Variants in PLSCR2 observed in about 807,000 individuals in gnomAD.
PLSCR2 encodes phospholipid scramblase 2, also known as PL scramblase 2.
A neutral mutation model predicts 25.3 loss-of-function variants in PLSCR2; 18 were observed. The ratio of observed to expected loss-of-function variants is 0.71; its 90% confidence interval spans 0.49 to 1.06. The LOEUF (loss-of-function observed/expected upper bound fraction) is 1.06, where lower values mean the gene tolerates loss of function less well. Ranked by LOEUF, PLSCR2 falls within the 50% of genes least tolerant of loss-of-function variation. The pLI is 0.00. For synonymous variants in PLSCR2, 88 were observed against 87.3 expected (o/e 1.01, Z -0.04); for missense variants, 243 against 269.5 (o/e 0.90, Z 0.69).
At chr3:146,393,826 T>C (rs1420940898) in intron 3 of PLSCR2, among the ~76,000 whole-genome samples, 1 of 114,662 alleles carries the variant, frequency 8.7e-6, no homozygotes, top group Non-Finnish European at 2.0e-5. Flanking sequence ...AAAAAAAAAC[T>C]TCTAAATAAG....
At chr3:146,495,896 T>TG in exon 1 of PLSCR2, 1 of 1,535,234 alleles carries the variant, frequency 6.5e-7, no homozygotes, top group Non-Finnish European at 8.7e-7. Context: ...ATTGGCTACC[T>TG]GGGAGGTGAA....
chr3:146,442,740 G>T (rs1370615442), intron 6 of PLSCR2, among the ~76,000 whole-genome samples: 1 of 151,940 alleles, frequency 6.6e-6, no homozygotes, highest in Non-Finnish European at 1.5e-5. Flanking sequence ...ATGGTGTTTT[G>T]AAGACCAAAT....
At chr3:146,475,675 A>C (rs1027928097) in intron 1 of PLSCR2, among the ~76,000 whole-genome samples, 1 of 152,126 alleles carries the variant, frequency 6.6e-6, no homozygotes, top group African/African-American at 2.4e-5. Flanking sequence ...CAATAAATGG[A>C]TATAGTTTTC....
At chr3:146,411,626 G>C (rs1397044679) in intron 2 of PLSCR2, among the ~76,000 whole-genome samples, 2 of 152,190 alleles carry the variant, frequency 1.3e-5, no homozygotes, top group Non-Finnish European at 2.9e-5. Context: ...GAGTGAGTTA[G>C]AGAAAACGCC....
chr3:146,478,637 C>T (rs554987034), intron 1 of PLSCR2, among the ~76,000 whole-genome samples: 58 of 152,188 alleles, frequency 3.8e-4, no homozygotes, highest in Non-Finnish European at 6.8e-4. Flanking sequence ...CTGAAAGTGA[C>T]GAGGAGAATT....
rs535318139 is a variant in PLSCR2 at position 146,394,393 on chromosome 3, G to A, written c.*145+1367C>T. Among the ~76,000 whole-genome samples, 43 of 151,828 alleles carry A rather than the reference G, an allele frequency of 2.8e-4. 1 individual carries two copies. Among genetic ancestry groups the A allele is most frequent in the South Asian group, 8.4e-4 (4 of 4,782 alleles). On this transcript the variant is annotated intron_variant and NMD_transcript_variant, in intron 3 of 3. Transcript: ENST00000463633. The stretch of plus-strand genomic sequence containing the variant: ...AGCGATTCTCCTGCCTCAGCCTCCC[G>A]AGTAGCTCAGATTACAGGCATGTGT...
intron 1 of PLSCR2, among the ~76,000 whole-genome samples, chr3:146,480,643 T>A (rs2043096469): frequency 7.4e-6 from 1 of 134,556 alleles, no homozygotes; most frequent in African/African-American, 2.8e-5. Flanking sequence ...ACAGCTGAAT[T>A]CTACCGAGGT....
At chr3:146,452,363 A>T (rs1057367727) in intron 5 of PLSCR2, among the ~76,000 whole-genome samples, 2 of 152,172 alleles carry the variant, frequency 1.3e-5, no homozygotes, top group Non-Finnish European at 2.9e-5. Context: ...AGTCTAAAAA[A>T]CTAAATATTT....
intron 1 of PLSCR2, among the ~76,000 whole-genome samples, chr3:146,489,087 G>T (rs775964647): frequency 6.6e-6 from 1 of 152,196 alleles, no homozygotes; most frequent in East Asian, 1.9e-4. Context: ...AACACAGCTT[G>T]TTCTCACTCA....
At chr3:146,409,211 T>C (rs2038760914) in intron 2 of PLSCR2, among the ~76,000 whole-genome samples, 1 of 152,090 alleles carries the variant, frequency 6.6e-6, no homozygotes, top group African/African-American at 2.4e-5. Flanking sequence ...TGTGCCTCTC[T>C]CAGTGGTAGT....
At chr3:146,487,843 C>CA (rs1362015223) in intron 1 of PLSCR2, among the ~76,000 whole-genome samples, 2 of 151,946 alleles carry the variant, frequency 1.3e-5, no homozygotes, top group Non-Finnish European at 2.9e-5. Context: ...CATATGGAAC[C>CA]AAAAAAGAGC....
intron 2 of PLSCR2, among the ~76,000 whole-genome samples, chr3:146,405,580 T>C (rs1296019370): frequency 6.6e-6 from 1 of 152,186 alleles, no homozygotes; most frequent in Non-Finnish European, 1.5e-5. Context: ...CTGGTGTTTT[T>C]GGGGAATCAA....
At chr3:146,475,265 C>A (rs1331922946) in intron 1 of PLSCR2, among the ~76,000 whole-genome samples, 1 of 152,016 alleles carries the variant, frequency 6.6e-6, no homozygotes, top group African/African-American at 2.4e-5. Context: ...GATTCTTTCT[C>A]ATCTTCATGA....
chr3:146,462,199 C>T (rs1250991831), upstream of PLSCR2, among the ~76,000 whole-genome samples: 1 of 151,936 alleles, frequency 6.6e-6, no homozygotes. Flanking sequence ...AGAGCCTTAT[C>T]TGGCCATTTA....
At chr3:146,491,915 G>C (rs1437066186) in intron 1 of PLSCR2, among the ~76,000 whole-genome samples, 1 of 152,162 alleles carries the variant, frequency 6.6e-6, no homozygotes, top group Non-Finnish European at 1.5e-5. Context: ...CTGGCTTTAA[G>C]AGTTTTCAGA....
chr3:146,405,048 C>A (rs781311164), intron 2 of PLSCR2, among the ~76,000 whole-genome samples: 2 of 151,948 alleles, frequency 1.3e-5, no homozygotes, highest in Non-Finnish European at 1.5e-5. Flanking sequence ...CACTTTGAGA[C>A]GGATTAAGAG....
At chr3:146,495,981 T>C, upstream of PLSCR2, 1 of 1,363,272 alleles carries the variant, frequency 7.3e-7, no homozygotes, top group Non-Finnish European at 1.0e-6. Context: ...GAATCTAAGA[T>C]GGGCAGATAC....
chr3:146,469,277 C>T, intron 1 of PLSCR2: 1 of 985,602 alleles, frequency 1.0e-6, no homozygotes, highest in Non-Finnish European at 1.2e-6. Flanking sequence ...CAGGACACCC[C>T]TTGTCATTCG....
intron 2 of PLSCR2, among the ~76,000 whole-genome samples, chr3:146,409,970 G>A (rs1040248704): frequency 4.6e-5 from 7 of 152,104 alleles, no homozygotes; most frequent in African/African-American, 1.7e-4. Flanking sequence ...CTAGAGGCCA[G>A]CCCAAGATCT....
Sources: gnomAD v4.1 joint callset for allele counts (sites outside exome capture counted in the v4.1 genomes callset) on GRCh38, gnomAD v4.1.1 for gene constraint, MANE v1.5 for transcripts, NCBI Gene and HGNC (gene_info 2026-07-23, HGNC 2026-07-21) for gene names.